Variants in EFCAB8 observed in about 807,000 individuals in gnomAD.
The protein encoded by EFCAB8 is EF-hand calcium binding domain 8.
Under a neutral mutation model 116.3 loss-of-function variants are expected in EFCAB8, and 100 were observed. The observed-to-expected ratio is 0.86, with a 90% CI of 0.73 to 1.02. The LOEUF (loss-of-function observed/expected upper bound fraction) is 1.02. EFCAB8 is among the 50% of genes least tolerant of loss of function. EFCAB8 has a pLI of 0.00. For missense variants in EFCAB8, 1,320 were observed against 1,416.9 expected (o/e 0.93, Z 1.10); for synonymous variants, 558 against 567.9 (o/e 0.98, Z 0.25).
At chr20:32,891,916 ACTCCTAGG>A in intron 7 of EFCAB8, among the ~76,000 whole-genome samples, 1 of 151,304 alleles carries the variant, frequency 6.6e-6, no homozygotes, top group Middle Eastern at 3.4e-3. Flanking sequence ...GCAGTCTCAA[ACTCCTAGG>A]CTCAAGCAGT....
chr20:32,875,963 G>A lies in EFCAB8; in HGVS notation c.246G>A (p.Lys82=). The A allele has an allele frequency of 6.4e-6, 10 of 1,552,068 alleles. No homozygotes were observed. Among genetic ancestry groups the A allele is most frequent in the Non-Finnish European group, 7.0e-6 (8 of 1,147,056 alleles). Residue 82 remains lysine (K), a synonymous_variant, in exon 4 of 27, where the codon AAG becomes AAA. Coordinates refer to ENST00000400522, the MANE Select transcript of EFCAB8 (RefSeq NM_001143967.2). ...GMDAFIKAMK[K]VLSSVSDEML... is the part of the protein sequence containing the mutation. ...ACGCCTTCATCAAGGCCATGAAGAA[G>A]GTTCTGAGCAGTGTGTCGGACGAGA...
Position 32,876,060 on chromosome 20 carries a change from C to G in EFCAB8, c.327+16C>G. 6.5e-7 allele frequency: 1 copy of G among 1,549,786 alleles called. No individual in the cohort carries two copies. Among genetic ancestry groups the G allele is most frequent in the South Asian group, 1.2e-5 (1 of 83,962 alleles). On this transcript the variant is annotated intron_variant, in intron 4 of 26. Coordinates refer to ENST00000400522, the MANE Select transcript of EFCAB8 (RefSeq NM_001143967.2). Reference sequence around the variant, plus strand: ...TGTCACCTGGGTGAGGAGGGTGCCCCTGCTTCCTCAGGTGCTGGAGGGAGG... The same window carrying G: ...TGTCACCTGGGTGAGGAGGGTGCCCGTGCTTCCTCAGGTGCTGGAGGGAGG...
At chr20:32,907,860 A>G (rs1051532747) in intron 13 of EFCAB8, among the ~76,000 whole-genome samples, 2 of 151,928 alleles carry the variant, frequency 1.3e-5, no homozygotes, top group African/African-American at 4.8e-5. Context: ...GAGGAATGGG[A>G]GGGGCCCCTC....
At chr20:32,945,244 G>T (rs1988551991) in intron 23 of EFCAB8, among the ~76,000 whole-genome samples, 1 of 151,996 alleles carries the variant, frequency 6.6e-6, no homozygotes, top group African/African-American at 2.4e-5. Context: ...CTGAAGCCTT[G>T]ACCTCCCAGC....
intron 19 of EFCAB8, among the ~76,000 whole-genome samples, chr20:32,919,474 G>A (rs761463299): frequency 3.3e-5 from 5 of 152,038 alleles, no homozygotes; most frequent in Non-Finnish European, 7.4e-5. Flanking sequence ...GGGTGCATAG[G>A]TATATTTGCC....
chr20:32,954,892 G>A (rs553390035), intron 23 of EFCAB8, among the ~76,000 whole-genome samples: 31 of 152,090 alleles, frequency 2.0e-4, no homozygotes, highest in Non-Finnish European at 3.4e-4. Context: ...ACCCCACTTA[G>A]TCAAGATGTA....
intron 23 of EFCAB8, among the ~76,000 whole-genome samples, chr20:32,956,959 A>AT (rs139915548): frequency 4.1e-5 from 4 of 98,172 alleles, no homozygotes; most frequent in Admixed American, 1.0e-4. Context: ...TTTTTTTTTC[A>AT]TTTTTTTTCA....
intron 10 of EFCAB8, among the ~76,000 whole-genome samples, chr20:32,897,328 T>G (rs1986209081): frequency 2.0e-5 from 3 of 152,060 alleles, no homozygotes; most frequent in Admixed American, 6.5e-5. Context: ...TTGTCTCCAG[T>G]GCCTAAAATA....
At chr20:32,917,635 G>A in intron 18 of EFCAB8, 130 bp downstream of exon 18, 2 of 1,056,994 alleles carry the variant, frequency 1.9e-6, no homozygotes, top group Non-Finnish European at 2.7e-6. Context: ...GGATGGGGTG[G>A]GGAGCTTGGT....
At chr20:32,927,057 T>G (rs2146269042) in intron 20 of EFCAB8, among the ~76,000 whole-genome samples, 1 of 152,304 alleles carries the variant, frequency 6.6e-6, no homozygotes, top group African/African-American at 2.4e-5. Context: ...TATAGGGACC[T>G]ATCTAGGTTT....
intron 11 of EFCAB8, among the ~76,000 whole-genome samples, chr20:32,900,078 G>C (rs992227220): frequency 6.6e-6 from 1 of 152,096 alleles, no homozygotes. Context: ...GAGTCTTTTT[G>C]GGGGAACAGC....
rs1717929433 is a variant in EFCAB8 at position 32,909,881 on chromosome 20, A to G, written c.1507A>G (p.Thr503Ala). Reference protein sequence around the residue: ...QGLIKARKRTTHCSPLCAVLY... With the variant: ...QGLIKARKRTAHCSPLCAVLY... ...GCTTATCAAAGCAAGGAAGAGGACC[A>G]CTCATTGCTCACCCCTGTGTGCTGT... is the stretch of plus-strand genomic sequence containing the variant. The change falls in exon 15 of 27, where the codon ACT becomes GCT. Residue 503 changes from threonine to alanine, a missense_variant. Transcript: ENST00000400522. The G allele has an allele frequency of 8.0e-7, 1 of 1,249,788 alleles. No homozygotes were observed. The highest frequency in any genetic ancestry group is 1.0e-6 in the Non-Finnish European group (1 of 988,250). 77.4% of individuals were successfully genotyped at this position (1,249,788 alleles called of 1,614,324 possible). A position where few individuals can be genotyped will look rare whatever the true frequency, so the allele number is the denominator to read the frequency against.
intron 9 of EFCAB8, among the ~76,000 whole-genome samples, chr20:32,894,304 A>G (rs1462155202): frequency 1.3e-5 from 2 of 152,186 alleles, no homozygotes; most frequent in Non-Finnish European, 2.9e-5. Context: ...TTGTTGGGGC[A>G]GCGTCCCCTG....
At chr20:32,915,868 T>A (rs1987163524) in intron 17 of EFCAB8, among the ~76,000 whole-genome samples, 1 of 152,134 alleles carries the variant, frequency 6.6e-6, no homozygotes, top group African/African-American at 2.4e-5. Flanking sequence ...AGACAGGGTT[T>A]CATCATGTTG....
Position 32,920,948 on chromosome 20 carries a change from G to A in EFCAB8, c.2412+733G>A, listed in dbSNP as rs550086748. Among the ~76,000 whole-genome samples, 3 of 152,270 alleles carry A rather than the reference G, an allele frequency of 2.0e-5. No homozygotes were observed. In the South Asian group the frequency reaches 6.2e-4, roughly 32 times the overall value. On this transcript the variant is annotated intron_variant, in intron 20 of 26. Transcript: ENST00000400522. ...TATACCGAACACGAGTTGGGTATGGGTTCATCTTTGTTCTTCCTACTGTAC... is the reference window on the plus strand; with the variant it reads ...TATACCGAACACGAGTTGGGTATGGATTCATCTTTGTTCTTCCTACTGTAC...
intron 14 of EFCAB8, 35 bp from the exon 15 acceptor site, chr20:32,909,786 A>G: frequency 8.8e-7 from 1 of 1,134,380 alleles, no homozygotes; most frequent in Non-Finnish European, 1.1e-6. Flanking sequence ...AGCCCTTCTG[A>G]CAGACAAGCT....
At chr20:32,944,580 T>G (rs1988524377) in intron 23 of EFCAB8, among the ~76,000 whole-genome samples, 1 of 152,354 alleles carries the variant, frequency 6.6e-6, no homozygotes, top group Admixed American at 6.5e-5. Context: ...TTCATATGCT[T>G]TCATGTTCCT....
At chr20:32,956,787 C>A (rs1023391270) in intron 23 of EFCAB8, among the ~76,000 whole-genome samples, 2 of 152,004 alleles carry the variant, frequency 1.3e-5, no homozygotes, top group African/African-American at 4.8e-5. Context: ...TCTTTTAAAT[C>A]TAGAGGTTGA....
At chr20:32,934,818 C>T (rs1264322542) in intron 22 of EFCAB8, among the ~76,000 whole-genome samples, 1 of 152,202 alleles carries the variant, frequency 6.6e-6, no homozygotes, top group African/African-American at 2.4e-5. Flanking sequence ...GAGGCCTCCC[C>T]AGCCATGTGG....
Sources: gnomAD v4.1 joint callset for allele counts (sites outside exome capture counted in the v4.1 genomes callset) on GRCh38, gnomAD v4.1.1 for gene constraint, MANE v1.5 for transcripts, NCBI Gene and HGNC (gene_info 2026-07-23, HGNC 2026-07-21) for gene names.